The following COL19A1 variants were observed in gnomAD, a reference collection of about 807,000 sequenced individuals.
COL19A1 encodes collagen alpha-1(XIX) chain.
COL19A1 carries 159 observed loss-of-function variants against 190.2 expected under a neutral mutation model. The observed-to-expected ratio is 0.84, with a 90% CI of 0.73 to 0.95. The LOEUF (loss-of-function observed/expected upper bound fraction) is 0.95, where lower values mean the gene tolerates loss of function less well. COL19A1 is among the 40% of genes least tolerant of loss of function. The pLI, the probability that COL19A1 is intolerant of heterozygous loss-of-function variation, is 0.00. For synonymous variants in COL19A1, 509 were observed against 458.9 expected, an observed-to-expected ratio of 1.11 and a Z score of -1.39; for missense variants, 1,418 against 1,431.9, an observed-to-expected ratio of 0.99 and a Z score of 0.16.
intron 14 of COL19A1, among the ~76,000 whole-genome samples, chr6:70,043,197 T>G (rs117665278): frequency 0.41 from 61,440 of 149,428 alleles, 13,589 homozygotes; most frequent in Non-Finnish European, 0.51. Flanking sequence ...CTTCTTCTTT[T>G]TTTTTTTTTT....
chr6:70,051,880 C>T (rs185881474), intron 14 of COL19A1, among the ~76,000 whole-genome samples: 1 of 152,128 alleles, frequency 6.6e-6, no homozygotes, highest in East Asian at 1.9e-4. Context: ...TAATTAAAGG[C>T]TACTGTTAAT....
chr6:70,095,348 T>C (rs1783184401), intron 15 of COL19A1, among the ~76,000 whole-genome samples: 1 of 152,172 alleles, frequency 6.6e-6, no homozygotes, highest in Non-Finnish European at 1.5e-5. Flanking sequence ...GTGATTACAC[T>C]TTTCTAAAGG....
intron 11 of COL19A1, among the ~76,000 whole-genome samples, chr6:69,977,781 CT>C (rs2150061907): frequency 6.6e-6 from 1 of 152,106 alleles, no homozygotes; most frequent in East Asian, 1.9e-4. Flanking sequence ...CCTGAAGCAA[CT>C]TAATCCAAAT....
intron 2 of COL19A1, among the ~76,000 whole-genome samples, chr6:69,894,230 C>T (rs1769561727): frequency 6.6e-6 from 1 of 152,154 alleles, no homozygotes; most frequent in African/African-American, 2.4e-5. Context: ...ATAGTAATTC[C>T]TAGCATCTTT....
intron 11 of COL19A1, among the ~76,000 whole-genome samples, chr6:69,971,629 C>T (rs905959730): frequency 1.3e-5 from 2 of 152,236 alleles, no homozygotes; most frequent in East Asian, 1.9e-4. Flanking sequence ...GAATTCCAAA[C>T]GTTTTATACT....
chr6:70,168,323 G>A (rs1453961571), intron 39 of COL19A1, 108 bp downstream of exon 39: 10 of 1,134,106 alleles, frequency 8.8e-6, no homozygotes, highest in East Asian at 4.8e-5. Context: ...TATGAATACA[G>A]CCAAATTTTA....
intron 7 of COL19A1, among the ~76,000 whole-genome samples, chr6:69,934,774 T>G (rs903890958): frequency 6.6e-6 from 1 of 152,030 alleles, no homozygotes; most frequent in Non-Finnish European, 1.5e-5. Flanking sequence ...ACCATTCATT[T>G]AATGACTAAC....
intron 47 of COL19A1, among the ~76,000 whole-genome samples, chr6:70,189,028 T>C (rs1025032121): frequency 6.6e-6 from 1 of 152,216 alleles, no homozygotes; most frequent in Non-Finnish European, 1.5e-5. Context: ...TGGGGTTGTG[T>C]CAGTAATTGG....
intron 14 of COL19A1, among the ~76,000 whole-genome samples, chr6:70,060,681 G>A (rs1026716180): frequency 7.9e-5 from 12 of 152,076 alleles, no homozygotes; most frequent in South Asian, 6.2e-4. Flanking sequence ...AGAAGGGACC[G>A]TCTAGTTGCA....
At chr6:70,063,594 A>G (rs985790301) in intron 14 of COL19A1, among the ~76,000 whole-genome samples, 2 of 152,210 alleles carry the variant, frequency 1.3e-5, no homozygotes, top group African/African-American at 4.8e-5. Context: ...GAGCAAACAC[A>G]TTCAAAAGCT....
chr6:69,997,725 CA>C (rs1433228795), intron 11 of COL19A1, among the ~76,000 whole-genome samples: 1 of 151,986 alleles, frequency 6.6e-6, no homozygotes, highest in Non-Finnish European at 1.5e-5. Context: ...GAAAAATGAA[CA>C]GAGCCACAAC....
chr6:70,046,298 G>C (rs1323875958), intron 14 of COL19A1, among the ~76,000 whole-genome samples: 1 of 151,936 alleles, frequency 6.6e-6, no homozygotes, highest in African/African-American at 2.4e-5. Context: ...TGCTCTTCTT[G>C]CGTGATTTAC....
chr6:70,064,240 A>C (rs543034047), intron 14 of COL19A1, among the ~76,000 whole-genome samples: 188 of 152,252 alleles, frequency 1.2e-3, no homozygotes, highest in African/African-American at 4.0e-3. Context: ...AAAGTACTGG[A>C]AAACCGAATC....
Position 70,211,949 on chromosome 6 carries a change from T to C in COL19A1, c.*4675T>C, listed in dbSNP as rs541915409. On this transcript the variant is annotated 3_prime_UTR_variant, in exon 51 of 51. Coordinates refer to ENST00000620364, the MANE Select transcript of COL19A1 (RefSeq NM_001858.6). ...CGTGTTCAGATCCAATAGTGAGTGA[T>C]GTGGTACAACTGGAGGAGTTAGCTA... Among the ~76,000 whole-genome samples, 7 of 152,300 alleles carry C rather than the reference T, an allele frequency of 4.6e-5. No homozygotes were observed. The highest frequency in any genetic ancestry group is 1.7e-4 in the African/African-American group (7 of 41,570).
At chr6:70,156,819 G>A in intron 34 of COL19A1, 96 bp downstream of exon 34, 1 of 871,784 alleles carries the variant, frequency 1.1e-6, no homozygotes, top group Non-Finnish European at 1.7e-6. Context: ...GCTCAGATCT[G>A]ATGCTATAAC....
intron 11 of COL19A1, among the ~76,000 whole-genome samples, chr6:69,988,788 A>G (rs1299733538): frequency 6.6e-6 from 1 of 152,170 alleles, no homozygotes; most frequent in Non-Finnish European, 1.5e-5. Context: ...TAAACCTGAT[A>G]TCTTTCCTGG....
chr6:70,053,374 G>A (rs190694780), intron 14 of COL19A1, among the ~76,000 whole-genome samples: 1 of 151,986 alleles, frequency 6.6e-6, no homozygotes, highest in Non-Finnish European at 1.5e-5. Context: ...GAAAATTAGG[G>A]TTTTTTTCTG....
intron 8 of COL19A1, among the ~76,000 whole-genome samples, chr6:69,937,559 C>T (rs1773188596): frequency 6.6e-6 from 1 of 151,964 alleles, no homozygotes; most frequent in Non-Finnish European, 1.5e-5. Flanking sequence ...AGTGCCCATA[C>T]CTGAGGAAAG....
rs372764620 is a variant in COL19A1 at position 69,877,934 on chromosome 6, C to T, written c.-32-1602C>T. ...GCAGGAGAATTGCTTGAACCAGGAC[C>T]TGGGAAGTGGAGGTTGCAGTGAGCC... On this transcript the variant is annotated intron_variant, in intron 1 of 50. Transcript: ENST00000620364. Among the ~76,000 whole-genome samples the T allele has an allele frequency of 2.4e-4, 37 of 152,050 alleles. No homozygotes were observed. The East Asian group carries it at 6.6e-3, about 27-fold the overall frequency.
Sources: gnomAD v4.1 joint callset for allele counts (sites outside exome capture counted in the v4.1 genomes callset) on GRCh38, gnomAD v4.1.1 for gene constraint, MANE v1.5 for transcripts, NCBI Gene and HGNC (gene_info 2026-07-23, HGNC 2026-07-21) for gene names.